Variants in ZMYM2 observed in about 807,000 individuals in gnomAD.
ZMYM2 encodes the protein zinc finger MYM-type containing 2, also known as zinc finger MYM-type protein 2.
Under a neutral mutation model 162.8 loss-of-function variants are expected in ZMYM2, and 56 were observed. The ratio of observed to expected loss-of-function variants is 0.34; its 90% confidence interval spans 0.28 to 0.43. The LOEUF (loss-of-function observed/expected upper bound fraction) is 0.43, where lower values mean the gene tolerates loss of function less well. Among genes scored for constraint, ZMYM2 ranks in the 20% least tolerant of loss-of-function variants. ZMYM2 has a pLI of 1.00. For synonymous variants in ZMYM2, 510 were observed against 541.6 expected, an observed-to-expected ratio of 0.94 and a Z score of 0.81; for missense variants, 1,275 against 1,621.8, an observed-to-expected ratio of 0.79 and a Z score of 3.67.
At chr13:20,013,488 G>T (rs1263011982) in intron 6 of ZMYM2, among the ~76,000 whole-genome samples, 2 of 152,194 alleles carry the variant, frequency 1.3e-5, no homozygotes, top group Non-Finnish European at 2.9e-5. Flanking sequence ...AATAGATGTG[G>T]TGAAAGTGGG....
chr13:20,005,318 CTT>C (rs1269481942), intron 5 of ZMYM2, 79 bp downstream of exon 5: 16 of 1,083,290 alleles, frequency 1.5e-5, no homozygotes, highest in Non-Finnish European at 1.9e-5. Context: ...ATTAGATAAT[CTT>C]TTATCAGTTC....
chr13:19,951,971 A>T, the ZMYM2 span, among the ~76,000 whole-genome samples: 1 of 152,204 alleles, frequency 6.6e-6, no homozygotes, highest in Admixed American at 6.5e-5. Flanking sequence ...AATAGCCAGG[A>T]TATGGAGTAT....
chr13:19,893,992 A>G, the ZMYM2 span, among the ~76,000 whole-genome samples: 1 of 151,756 alleles, frequency 6.6e-6, no homozygotes, highest in Non-Finnish European at 1.5e-5. Context: ...GTGGAGCTGT[A>G]GTGGAGTAGA....
chr13:19,923,753 C>T, the ZMYM2 span, among the ~76,000 whole-genome samples: 1 of 148,386 alleles, frequency 6.7e-6, no homozygotes, highest in African/African-American at 2.5e-5. Flanking sequence ...TCACTTCAAC[C>T]TCTGCCTCCC....
chr13:20,056,536 G>A (rs544844650), intron 14 of ZMYM2, among the ~76,000 whole-genome samples: 3 of 152,158 alleles, frequency 2.0e-5, no homozygotes, highest in East Asian at 1.9e-4. Context: ...TCTCAATGCC[G>A]ACAAGGAAAC....
chr13:20,061,475 T>C (rs150512444), intron 17 of ZMYM2, among the ~76,000 whole-genome samples: 58 of 152,326 alleles, frequency 3.8e-4, no homozygotes, highest in African/African-American at 1.3e-3. Flanking sequence ...TAAAATCAAC[T>C]CAAAATTATT....
intron 18 of ZMYM2, among the ~76,000 whole-genome samples, chr13:20,063,795 T>TA (rs1225978349): frequency 5.4e-5 from 1 of 18,504 alleles, no homozygotes; most frequent in East Asian, 8.8e-3. Context: ...TATATATATA[T>TA]AAAAAATATA....
intron 6 of ZMYM2, among the ~76,000 whole-genome samples, chr13:20,019,109 A>G (rs1009307597): frequency 8.0e-5 from 12 of 149,664 alleles, no homozygotes; most frequent in African/African-American, 2.7e-4. Flanking sequence ...ACAACAACAA[A>G]AAAAAACAAT....
intron 2 of ZMYM2, among the ~76,000 whole-genome samples, chr13:19,979,236 G>C (rs1957078934): frequency 6.6e-6 from 1 of 152,066 alleles, no homozygotes; most frequent in South Asian, 2.1e-4. Flanking sequence ...GGATATCTTT[G>C]AGTTTATCCT....
At chr13:20,009,560 C>T (rs139056899) in intron 6 of ZMYM2, among the ~76,000 whole-genome samples, 106 of 152,078 alleles carry the variant, frequency 7.0e-4, no homozygotes, top group African/African-American at 2.5e-3. Context: ...TAGCCAATAA[C>T]TCCCATTTTT....
At chr13:19,876,726 AACCATC>A in the ZMYM2 span, among the ~76,000 whole-genome samples, 1 of 152,184 alleles carries the variant, frequency 6.6e-6, no homozygotes, top group Admixed American at 6.6e-5. Flanking sequence ...ATTGTTGTGT[AACCATC>A]ACCATCACCC....
At chr13:20,039,062 A>G (rs547654517) in intron 12 of ZMYM2, among the ~76,000 whole-genome samples, 1 of 152,098 alleles carries the variant, frequency 6.6e-6, no homozygotes, top group South Asian at 2.1e-4. Context: ...TTGTGTATCT[A>G]ATTTGGCCCT....
intron 7 of ZMYM2, 182 bp downstream of exon 7, chr13:20,019,800 A>T (rs1020093729): frequency 2.7e-5 from 16 of 598,378 alleles, no homozygotes; most frequent in Non-Finnish European, 4.2e-5. Context: ...CACTAATTTT[A>T]CATGTATTTT....
chr13:20,031,209 T>C (rs764833596), intron 9 of ZMYM2, 110 bp from the exon 10 acceptor site: 43 of 702,414 alleles, frequency 6.1e-5, no homozygotes, highest in Non-Finnish European at 8.4e-5. Context: ...TGAAAAGATA[T>C]CTAAGCAAGA....
At chr13:19,992,107 A>G (rs1369954975) in intron 2 of ZMYM2, among the ~76,000 whole-genome samples, 5 of 152,188 alleles carry the variant, frequency 3.3e-5, no homozygotes, top group African/African-American at 1.2e-4. Context: ...ACCTTTATTC[A>G]GCCTGCTACT....
At chr13:20,067,466 A>G (rs1235178090) in intron 21 of ZMYM2, 76 bp downstream of exon 21, 4 of 1,412,656 alleles carry the variant, frequency 2.8e-6, no homozygotes, top group African/African-American at 2.8e-5. Context: ...CTGTAGCATT[A>G]TGGAACCTTT....
chr13:20,061,255 A>C (rs1203133885), intron 17 of ZMYM2, 31 bp downstream of exon 17: 2 of 1,603,612 alleles, frequency 1.2e-6, no homozygotes, highest in African/African-American at 2.7e-5. Flanking sequence ...CCTTGCGAAT[A>C]AGTGTTAACA....
chr13:19,959,104 T>C (rs1361521992), intron 1 of ZMYM2, among the ~76,000 whole-genome samples: 1 of 144,350 alleles, frequency 6.9e-6, no homozygotes, highest in East Asian at 2.2e-4. Context: ...CCCGAGGGGC[T>C]GGGAGAGTGC....
At chr13:20,061,912 A>T (rs1956265311) in intron 17 of ZMYM2, among the ~76,000 whole-genome samples, 1 of 152,184 alleles carries the variant, frequency 6.6e-6, no homozygotes, top group South Asian at 2.1e-4. Context: ...TTATACTAAT[A>T]AAATAATTTG....
Sources: gnomAD v4.1 joint callset for allele counts (sites outside exome capture counted in the v4.1 genomes callset) on GRCh38, gnomAD v4.1.1 for gene constraint, MANE v1.5 for transcripts, NCBI Gene and HGNC (gene_info 2026-07-23, HGNC 2026-07-21) for gene names.